Variants in MNAT1 observed in about 807,000 individuals in gnomAD.
MNAT1 encodes the protein CDK-activating kinase assembly factor MAT1.
MNAT1 carries 43 observed loss-of-function variants against 42.0 expected under a neutral mutation model. The observed-to-expected ratio is 1.02, with a 90% CI of 0.80 to 1.32. MNAT1 has a LOEUF of 1.32. Ranked by LOEUF, MNAT1 falls within the 40% of genes most tolerant of loss-of-function variation. The pLI, the probability that MNAT1 is intolerant of heterozygous loss-of-function variation, is 0.00. For missense variants in MNAT1, 306 were observed against 350.4 expected, an observed-to-expected ratio of 0.87 and a Z score of 1.01; for synonymous variants, 118 against 120.0, an observed-to-expected ratio of 0.98 and a Z score of 0.11.
intron 6 of MNAT1, among the ~76,000 whole-genome samples, chr14:60,838,497 C>A (rs1289579951): frequency 6.6e-6 from 1 of 151,908 alleles, no homozygotes; most frequent in Non-Finnish European, 1.5e-5. Context: ...TATTTCTTTT[C>A]TTCTCTTTAA....
intron 1 of MNAT1, among the ~76,000 whole-genome samples, chr14:60,749,042 G>T (rs559744745): frequency 6.6e-6 from 1 of 152,262 alleles, no homozygotes; most frequent in South Asian, 2.1e-4. Context: ...GAATTTTTCA[G>T]CTGTATTATA....
intron 7 of MNAT1, among the ~76,000 whole-genome samples, chr14:60,920,693 T>C (rs1358991404): frequency 6.6e-6 from 1 of 152,146 alleles, no homozygotes; most frequent in East Asian, 1.9e-4. Context: ...TCCACCTGCC[T>C]CAGCCTCCCA....
At chr14:60,870,511 T>C (rs900704206) in intron 6 of MNAT1, among the ~76,000 whole-genome samples, 1 of 152,166 alleles carries the variant, frequency 6.6e-6, no homozygotes, top group African/African-American at 2.4e-5. Flanking sequence ...TACTTAATGG[T>C]ATTTTTCAAG....
At chr14:60,835,850 T>C (rs2033376301) in intron 6 of MNAT1, among the ~76,000 whole-genome samples, 1 of 152,220 alleles carries the variant, frequency 6.6e-6, no homozygotes, top group African/African-American at 2.4e-5. Flanking sequence ...TTCCGTTCTT[T>C]CCGTCACTTT....
chr14:60,934,043 A>G (rs565109045), intron 7 of MNAT1, among the ~76,000 whole-genome samples: 1 of 152,298 alleles, frequency 6.6e-6, no homozygotes, highest in East Asian at 1.9e-4. Flanking sequence ...GGAAGCTTTT[A>G]TTAGCCAAAA....
chr14:60,903,295 T>G (rs1375578632), intron 7 of MNAT1, among the ~76,000 whole-genome samples: 1 of 152,082 alleles, frequency 6.6e-6, no homozygotes, highest in African/African-American at 2.4e-5. Flanking sequence ...TATTAAAAAT[T>G]TTTTCAATAG....
At chr14:60,871,151 A>G (rs1159226011) in intron 6 of MNAT1, among the ~76,000 whole-genome samples, 2 of 152,238 alleles carry the variant, frequency 1.3e-5, no homozygotes, top group Non-Finnish European at 2.9e-5. Context: ...TATTCATACT[A>G]TATGAATGTA....
At chr14:60,808,007 A>G (rs2032429379) in intron 3 of MNAT1, among the ~76,000 whole-genome samples, 1 of 152,156 alleles carries the variant, frequency 6.6e-6, no homozygotes, top group African/African-American at 2.4e-5. Flanking sequence ...AAAAATTTAA[A>G]CAATTTTTTT....
At chr14:60,888,575 A>G (rs908771869) in intron 7 of MNAT1, among the ~76,000 whole-genome samples, 1 of 151,510 alleles carries the variant, frequency 6.6e-6, no homozygotes, top group African/African-American at 2.4e-5. Context: ...CCTATTCAAC[A>G]TAGTGTTGGA....
intron 1 of MNAT1, among the ~76,000 whole-genome samples, chr14:60,741,321 G>A (rs1896453494): frequency 6.6e-6 from 1 of 152,060 alleles, no homozygotes; most frequent in African/African-American, 2.4e-5. Context: ...GACTACAGGT[G>A]CATGGCACCA....
At chr14:60,777,954 A>G (rs2031311102) in intron 1 of MNAT1, among the ~76,000 whole-genome samples, 1 of 152,208 alleles carries the variant, frequency 6.6e-6, no homozygotes, top group African/African-American at 2.4e-5. Flanking sequence ...GGAGCAAACC[A>G]GAGCAGTCTG....
At chr14:60,960,528 C>T (rs548607098) in intron 7 of MNAT1, among the ~76,000 whole-genome samples, 69 of 152,166 alleles carry the variant, frequency 4.5e-4, no homozygotes, top group Non-Finnish European at 1.0e-3. Context: ...TACCATTCCT[C>T]ATCACCATGC....
At chr14:60,809,259 C>T (rs2032470611) in intron 4 of MNAT1, among the ~76,000 whole-genome samples, 1 of 152,034 alleles carries the variant, frequency 6.6e-6, no homozygotes. Flanking sequence ...GATCACATAG[C>T]TTATATTTTC....
chr14:60,735,946 C>T (rs937718805), intron 1 of MNAT1, among the ~76,000 whole-genome samples: 4 of 152,170 alleles, frequency 2.6e-5, no homozygotes, highest in African/African-American at 9.7e-5. Flanking sequence ...AGGTCTCCTC[C>T]CAACCCCCCA....
chr14:60,859,935 G>A (rs1426048783), intron 6 of MNAT1, among the ~76,000 whole-genome samples: 2 of 152,116 alleles, frequency 1.3e-5, no homozygotes, highest in Non-Finnish European at 2.9e-5. Context: ...GACAAAATGC[G>A]AAAAAGCTAT....
intron 5 of MNAT1, among the ~76,000 whole-genome samples, chr14:60,814,480 TTGTG>T: frequency 6.6e-6 from 1 of 150,864 alleles, no homozygotes; most frequent in Non-Finnish European, 1.5e-5. Flanking sequence ...GCTTTTGTGT[TTGTG>T]TGTGTGTGTG....
chr14:60,896,037 A>C (rs924115366), intron 7 of MNAT1, among the ~76,000 whole-genome samples: 3 of 152,216 alleles, frequency 2.0e-5, no homozygotes, highest in African/African-American at 7.2e-5. Context: ...TAAAACCAAA[A>C]GAATACTGCG....
intron 7 of MNAT1, chr14:60,919,316 A>AT (rs902584736): frequency 2.0e-5 from 3 of 152,318 alleles, no homozygotes; most frequent in African/African-American, 7.2e-5. Context: ...GATTTATAGT[A>AT]TTTCAGTTAT....
intron 1 of MNAT1, among the ~76,000 whole-genome samples, chr14:60,791,930 G>A (rs543729616): frequency 3.3e-5 from 5 of 152,144 alleles, no homozygotes; most frequent in African/African-American, 4.8e-5. Flanking sequence ...TCATGGTGAC[G>A]GTTAGGAAGG....
Sources: gnomAD v4.1 joint callset for allele counts (sites outside exome capture counted in the v4.1 genomes callset) on GRCh38, gnomAD v4.1.1 for gene constraint, MANE v1.5 for transcripts, NCBI Gene and HGNC (gene_info 2026-07-23, HGNC 2026-07-21) for gene names.